Variants in RBFOX1 observed in about 807,000 individuals in gnomAD.
The protein encoded by RBFOX1 is RNA binding protein fox-1 homolog 1.
RBFOX1 carries 8 observed loss-of-function variants against 57.7 expected under a neutral mutation model. The observed-to-expected ratio is 0.14, with a 90% confidence interval of 0.08 to 0.25. RBFOX1 has a LOEUF of 0.25. RBFOX1 is among the 10% of genes least tolerant of loss of function. RBFOX1 has a pLI of 1.00. For synonymous variants in RBFOX1, 326 were observed against 222.4 expected, an observed-to-expected ratio of 1.47 and a Z score of -4.15; for missense variants, 611 against 548.5, an observed-to-expected ratio of 1.11 and a Z score of -1.14.
At chr16:7,311,477 T>C (rs1161276226) in intron 4 of RBFOX1, among the ~76,000 whole-genome samples, 2 of 93,384 alleles carry the variant, frequency 2.1e-5, no homozygotes, top group Non-Finnish European at 4.0e-5. Context: ...ATGAGCCTTT[T>C]CTTTTTTTTT....
At chr16:5,693,959 C>T (rs930452851) in intron 3 of RBFOX1, among the ~76,000 whole-genome samples, 1 of 152,184 alleles carries the variant, frequency 6.6e-6, no homozygotes, top group Non-Finnish European at 1.5e-5. Flanking sequence ...CCATTTTCCC[C>T]AGTTAGAGTA....
intron 2 of RBFOX1, among the ~76,000 whole-genome samples, chr16:6,324,576 T>A (rs2082162826): frequency 6.6e-6 from 1 of 152,118 alleles, no homozygotes; most frequent in African/African-American, 2.4e-5. Flanking sequence ...CCAGATGTTG[T>A]TACAACTCAT....
intron 1 of RBFOX1, among the ~76,000 whole-genome samples, chr16:5,433,524 C>G (rs893146397): frequency 6.6e-6 from 1 of 152,162 alleles, no homozygotes; most frequent in Non-Finnish European, 1.5e-5. Context: ...GACCTCCAGT[C>G]TCTTGCAAAT....
rs536029080 is a variant in RBFOX1, at chr16:6,655,080, A to G, written c.-16+430A>G. On this transcript the variant is annotated intron_variant, in intron 3 of 15. Transcript: ENST00000550418. The stretch of plus-strand genomic sequence containing the variant: ...CTATATATCTGACTCATACACTTGA[A>G]AAAGAGCTCACGGCCAGGTGTGGTG... 1.8e-4 allele frequency among the ~76,000 whole-genome samples: 27 copies of G among 151,976 alleles called. No individual in the cohort carries two copies. The East Asian group carries it at 4.7e-3, about 26-fold the overall frequency.
chr16:5,453,819 G>A (rs575147379), intron 1 of RBFOX1, among the ~76,000 whole-genome samples: 1 of 152,328 alleles, frequency 6.6e-6, no homozygotes, highest in East Asian at 1.9e-4. Flanking sequence ...GGGTGACAGT[G>A]CTAGGAAGTT....
rs1491558284 is a variant in RBFOX1 at position 7,062,892 on chromosome 16, C to CTTTT, written c.27+10794_27+10795insTTTT. Among the ~76,000 whole-genome samples the CTTTT allele has an allele frequency of 2.4e-3, 143 of 59,942 alleles. 29 individuals carry two copies. Among genetic ancestry groups the CTTTT allele is most frequent in the East Asian group, 3.9e-3 (6 of 1,520 alleles). 39.3% of individuals were successfully genotyped at this position (59,942 alleles called of 152,430 possible). On this transcript the variant is annotated intron_variant, in intron 4 of 15. Transcript: ENST00000550418. ...TACCTCATCTCATTCAAATGATCGC[C>CTTTT]ATTTTTTTTTTTTTTTTTTTTTTTT...
At chr16:7,163,126 C>T (rs958735221) in intron 4 of RBFOX1, among the ~76,000 whole-genome samples, 14 of 152,316 alleles carry the variant, frequency 9.2e-5, no homozygotes, top group African/African-American at 2.6e-4. Flanking sequence ...AATGCATCTG[C>T]AGCTCAACAC....
intron 3 of RBFOX1, among the ~76,000 whole-genome samples, chr16:7,031,555 C>G (rs960724341): frequency 7.3e-5 from 11 of 151,220 alleles, no homozygotes; most frequent in Non-Finnish European, 2.9e-5. Flanking sequence ...AAGCCAAGAT[C>G]ATGCCACTGC....
intron 4 of RBFOX1, among the ~76,000 whole-genome samples, chr16:7,207,036 A>G (rs2090132909): frequency 6.6e-6 from 1 of 152,118 alleles, no homozygotes; most frequent in African/African-American, 2.4e-5. Context: ...CATCCTGGCA[A>G]CTTCAAGGGC....
At chr16:6,234,536 G>A (rs1379783095) in intron 1 of RBFOX1, among the ~76,000 whole-genome samples, 1 of 152,144 alleles carries the variant, frequency 6.6e-6, no homozygotes, top group East Asian at 1.9e-4. Context: ...TCTGAATGAA[G>A]GCTTCAGGAA....
intron 2 of RBFOX1, among the ~76,000 whole-genome samples, chr16:6,433,357 C>T (rs1367093132): frequency 1.3e-5 from 2 of 152,256 alleles, no homozygotes; most frequent in Admixed American, 1.3e-4. Context: ...TCAGTTATCA[C>T]TTCCACCAGA....
chr16:7,601,332 C>T (rs1045245255), intron 9 of RBFOX1, among the ~76,000 whole-genome samples: 13 of 152,182 alleles, frequency 8.5e-5, no homozygotes, highest in African/African-American at 1.4e-4. Context: ...AAGTGCTCAA[C>T]ACAATGCTAG....
chr16:5,401,118 C>T (rs2066702587), intron 1 of RBFOX1, among the ~76,000 whole-genome samples: 1 of 151,876 alleles, frequency 6.6e-6, no homozygotes, highest in Non-Finnish European at 1.5e-5. Flanking sequence ...TGATTTTTTC[C>T]CTATCAAGTT....
chr16:5,855,093 GTTGT>G (rs2056992198), intron 3 of RBFOX1, among the ~76,000 whole-genome samples: 2 of 152,198 alleles, frequency 1.3e-5, no homozygotes, highest in African/African-American at 2.4e-5. Flanking sequence ...CTGCTGTTGA[GTTGT>G]TTGAGTGCCT....
intron 2 of RBFOX1, among the ~76,000 whole-genome samples, 162 bp downstream of exon 2, chr16:6,317,219 GGGCCTGCAA>G (rs1337641847): frequency 2.0e-5 from 3 of 152,140 alleles, no homozygotes; most frequent in Admixed American, 2.0e-4. Context: ...GATGAGAAGA[GGGCCTGCAA>G]GGTAGAACCA....
chr16:7,064,526 T>G (rs2055448314), intron 4 of RBFOX1, among the ~76,000 whole-genome samples: 1 of 151,978 alleles, frequency 6.6e-6, no homozygotes, highest in African/African-American at 2.4e-5. Flanking sequence ...AAGGGCAAAC[T>G]ACATGACCCA....
At chr16:5,635,696 T>C (rs1276590335) in intron 3 of RBFOX1, among the ~76,000 whole-genome samples, 1 of 152,210 alleles carries the variant, frequency 6.6e-6, no homozygotes, top group Non-Finnish European at 1.5e-5. Context: ...CTTGGCTAAA[T>C]TACATATCCT....
chr16:7,308,409 C>T (rs577736315), intron 4 of RBFOX1, among the ~76,000 whole-genome samples: 60 of 151,360 alleles, frequency 4.0e-4, no homozygotes, highest in Middle Eastern at 6.8e-3. Context: ...TCTAAGAAAG[C>T]TTCTTATCTG....
intron 4 of RBFOX1, among the ~76,000 whole-genome samples, chr16:7,413,809 C>G (rs778759146): frequency 6.6e-6 from 1 of 152,242 alleles, no homozygotes; most frequent in South Asian, 2.1e-4. Context: ...CCAGGTACCT[C>G]TCATGAAGCC....
Sources: allele counts gnomAD v4.1 joint callset (sites outside exome capture counted in the v4.1 genomes callset), GRCh38; gene constraint gnomAD v4.1.1; transcripts MANE v1.5; gene names NCBI Gene and HGNC (gene_info 2026-07-23, HGNC 2026-07-21).